The following LRP1B variants were observed in gnomAD, a reference collection of about 807,000 sequenced individuals.
LRP1B encodes LDL receptor related protein 1B, also known as low-density lipoprotein receptor-related protein 1B.
A neutral mutation model predicts 556.6 loss-of-function variants in LRP1B; 217 were observed. The observed-to-expected ratio is 0.39, with a 90% CI of 0.35 to 0.44. The LOEUF is 0.44. Ranked by LOEUF, LRP1B falls within the 20% of genes least tolerant of loss-of-function variation. LRP1B has a pLI of 1.00. For synonymous variants in LRP1B, 2,047 were observed against 1,865.8 expected (o/e 1.10, Z -2.50); for missense variants, 5,053 against 5,620.8 (o/e 0.90, Z 3.23).
intron 35 of LRP1B, among the ~76,000 whole-genome samples, chr2:140,749,754 G>A (rs901462007): frequency 2.0e-5 from 3 of 152,056 alleles, no homozygotes; most frequent in Admixed American, 2.0e-4. Flanking sequence ...GTAGAAGTGT[G>A]CTCCAAAATA....
At chr2:140,985,055 G>A (rs16845085) in intron 17 of LRP1B, among the ~76,000 whole-genome samples, 4,038 of 152,010 alleles carry the variant, frequency 0.027, 177 homozygotes, top group African/African-American at 0.089. Context: ...TAATTTTGTG[G>A]CAAATGCTTC....
At chr2:140,354,695 T>C (rs1166495906) in intron 75 of LRP1B, among the ~76,000 whole-genome samples, 1 of 151,940 alleles carries the variant, frequency 6.6e-6, no homozygotes, top group Admixed American at 6.6e-5. Flanking sequence ...CATTTTCGCC[T>C]CATCTCTAGA....
intron 6 of LRP1B, among the ~76,000 whole-genome samples, chr2:141,226,547 C>A (rs1489130722): frequency 1.3e-5 from 2 of 152,214 alleles, no homozygotes; most frequent in East Asian, 3.9e-4. Context: ...AAAGCATGTT[C>A]TCTTCAGGTA....
chr2:142,009,186 C>T (rs1311650353), intron 1 of LRP1B, among the ~76,000 whole-genome samples: 2 of 152,164 alleles, frequency 1.3e-5, no homozygotes, highest in Non-Finnish European at 2.9e-5. Context: ...ACACAATAAG[C>T]TGTCTCTTCC....
intron 3 of LRP1B, among the ~76,000 whole-genome samples, chr2:141,384,517 G>A (rs1298018017): frequency 6.6e-6 from 1 of 152,090 alleles, no homozygotes; most frequent in South Asian, 2.1e-4. Context: ...GTGGGAAAAA[G>A]AATTTCTGGG....
intron 41 of LRP1B, among the ~76,000 whole-genome samples, chr2:140,651,668 C>T (rs1002541647): frequency 2.0e-5 from 3 of 151,760 alleles, no homozygotes; most frequent in Admixed American, 6.6e-5. Context: ...AAAATGTCAT[C>T]GAACCAGATT....
chr2:141,147,848 G>T (rs7586992), intron 7 of LRP1B, among the ~76,000 whole-genome samples: 5,453 of 152,130 alleles, frequency 0.036, 308 homozygotes, highest in African/African-American at 0.12. Flanking sequence ...TTATAATACC[G>T]TATTTTTCCT....
At chr2:141,824,940 A>C (rs1696873728) in intron 1 of LRP1B, among the ~76,000 whole-genome samples, 1 of 152,116 alleles carries the variant, frequency 6.6e-6, no homozygotes, top group African/African-American at 2.4e-5. Flanking sequence ...CTAGATAGTG[A>C]GGGAGTTCTC....
At chr2:141,794,608 A>G (rs1695738932) in intron 2 of LRP1B, among the ~76,000 whole-genome samples, 1 of 152,052 alleles carries the variant, frequency 6.6e-6, no homozygotes, top group African/African-American at 2.4e-5. Flanking sequence ...ATATAAGAAC[A>G]TGTATATTTT....
intron 2 of LRP1B, among the ~76,000 whole-genome samples, chr2:141,507,974 G>C (rs909394066): frequency 6.6e-6 from 1 of 151,836 alleles, no homozygotes; most frequent in Non-Finnish European, 1.5e-5. Flanking sequence ...TATAGTCCCA[G>C]ATACTTGGGA....
chr2:140,925,848 A>T (rs1694867970), intron 20 of LRP1B, among the ~76,000 whole-genome samples: 1 of 152,130 alleles, frequency 6.6e-6, no homozygotes, highest in Non-Finnish European at 1.5e-5. Flanking sequence ...ACTCAATTAC[A>T]TTAGCACCTT....
chr2:140,748,853 A>G (rs1559094844), intron 35 of LRP1B, among the ~76,000 whole-genome samples: 6 of 138,072 alleles, frequency 4.3e-5, no homozygotes, highest in Non-Finnish European at 9.3e-5. Context: ...TGTATATAAT[A>G]TATATACACA....
chr2:141,997,551 T>C (rs77416820), intron 1 of LRP1B, among the ~76,000 whole-genome samples: 34,976 of 149,508 alleles, frequency 0.23, 4,497 homozygotes, highest in East Asian at 0.33. Flanking sequence ...GGCTCAATCT[T>C]GGTTCACTGC....
intron 7 of LRP1B, among the ~76,000 whole-genome samples, chr2:141,142,967 C>T (rs1162067574): frequency 2.4e-5 from 3 of 127,546 alleles, no homozygotes; most frequent in African/African-American, 9.3e-5. Flanking sequence ...GTTCTGTCGT[C>T]GCCCAGGCTG....
chr2:141,537,324 G>A (rs1685099790), intron 2 of LRP1B, among the ~76,000 whole-genome samples: 1 of 151,950 alleles, frequency 6.6e-6, no homozygotes, highest in Non-Finnish European at 1.5e-5. Flanking sequence ...TAACAAAACA[G>A]CAGGGTGTGG....
At chr2:142,055,046 A>T (rs1423148854) in intron 1 of LRP1B, among the ~76,000 whole-genome samples, 1 of 152,154 alleles carries the variant, frequency 6.6e-6, no homozygotes, top group Non-Finnish European at 1.5e-5. Context: ...TGCCTCACCA[A>T]ATATACATTA....
Position 141,945,914 on chromosome 2 carries a change from T to G in LRP1B, c.83-135513A>C, listed in dbSNP as rs190064242. ...GAATCCTTGCTAAGGGAGAATGCGG[T>G]GATAAGAAACCAGCAGGATTTATTT... On this transcript the variant is annotated intron_variant, in intron 1 of 90. Coordinates refer to ENST00000389484, the MANE Select transcript of LRP1B (RefSeq NM_018557.3). Among the ~76,000 whole-genome samples the G allele has an allele frequency of 2.1e-3, 325 of 152,128 alleles. 2 individuals carry two copies. Among genetic ancestry groups the G allele is most frequent in the African/African-American group, 7.3e-3 (301 of 41,506 alleles).
chr2:141,450,607 A>G (rs1302974250), intron 3 of LRP1B, among the ~76,000 whole-genome samples: 1 of 151,406 alleles, frequency 6.6e-6, no homozygotes, highest in African/African-American at 2.4e-5. Context: ...ATTAGGAAGA[A>G]CATAAAAATG....
chr2:140,513,019 A>C lies in LRP1B; in HGVS notation c.8269+1634T>G, dbSNP rs1459815181. ...AGGTAAACATGTCCATTTTCTTATT[A>C]GTCTTTAATAAAAAAGCATTATTAG... On this transcript the variant is annotated intron_variant, in intron 51 of 90. Transcript: ENST00000389484. Among the ~76,000 whole-genome samples, 15 of 152,120 alleles carry C rather than the reference A, an allele frequency of 9.9e-5. 1 individual carries two copies. Among genetic ancestry groups the C allele is most frequent in the Admixed American group, 9.8e-4 (15 of 15,272 alleles).
Sources: allele counts gnomAD v4.1 joint callset (sites outside exome capture counted in the v4.1 genomes callset), GRCh38; gene constraint gnomAD v4.1.1; transcripts MANE v1.5; gene names NCBI Gene and HGNC (gene_info 2026-07-23, HGNC 2026-07-21).